TET2: variants seen among roughly 807,000 people sequenced by gnomAD.
TET2 encodes the protein tet methylcytosine dioxygenase 2.
In TET2, 299 loss-of-function variants were observed where a neutral mutation model predicts 142.9. That is an observed-to-expected ratio of 2.09 (90% CI 1.90 to 2.30). The LOEUF (loss-of-function observed/expected upper bound fraction) is 2.30. Among genes scored for constraint, TET2 ranks in the 30% most tolerant of loss-of-function variants. The pLI is 0.00. For missense variants in TET2, 2,418 were observed against 2,378.0 expected (o/e 1.02, Z -0.35); for synonymous variants, 819 against 849.0 (o/e 0.96, Z 0.61).
At chr4:105,155,951 G>A (rs933483011) in intron 1 of TET2, among the ~76,000 whole-genome samples, 11 of 152,138 alleles carry the variant, frequency 7.2e-5, no homozygotes, top group Non-Finnish European at 1.3e-4. Flanking sequence ...AGTTGGTGTA[G>A]TGATGGTTAT....
chr4:105,210,872 A>G (rs979670693), intron 2 of TET2, among the ~76,000 whole-genome samples: 1 of 152,202 alleles, frequency 6.6e-6, no homozygotes, highest in Non-Finnish European at 1.5e-5. Context: ...TCTATGTTTT[A>G]TACTTTTAAT....
chr4:105,185,642 G>T (rs533238153), intron 1 of TET2, among the ~76,000 whole-genome samples: 1 of 152,086 alleles, frequency 6.6e-6, no homozygotes, highest in Non-Finnish European at 1.5e-5. Context: ...AGCCAGGCGT[G>T]GGGGCATGCG....
Position 105,243,697 on chromosome 4 carries a change from C to A in TET2, c.3722C>A (p.Ala1241Asp), listed in dbSNP as rs1729429627. The stretch of plus-strand genomic sequence containing the variant: ...TGGGAAGGAATCCCGCTGTCTCTGG[C>A]TGACAAACTCTACTCGGAGCTTACC... ...LVWEGIPLSL[A>D]DKLYSELTET... is the part of the protein sequence containing the mutation. Residue 1241 changes from alanine (A) to aspartate (D), a missense_variant, in exon 6 of 11, where the codon GCT (alanine) becomes GAT (aspartate). Ala to Asp is a moderately radical substitution (Grantham distance 126). Transcript: ENST00000380013. 1 of 1,551,564 alleles carries A rather than the reference C, an allele frequency of 6.4e-7. No homozygotes were observed. Among genetic ancestry groups the A allele is most frequent in the Non-Finnish European group, 8.7e-7 (1 of 1,146,950 alleles).
intron 2 of TET2, among the ~76,000 whole-genome samples, chr4:105,204,995 A>G (rs1327031851): frequency 6.6e-6 from 1 of 152,104 alleles, no homozygotes; most frequent in Non-Finnish European, 1.5e-5. Flanking sequence ...TTGTTTTCCT[A>G]AATTAGTGAT....
chr4:105,148,294 T>C (rs2110338555), intron 1 of TET2, among the ~76,000 whole-genome samples: 1 of 152,374 alleles, frequency 6.6e-6, no homozygotes, highest in African/African-American at 2.4e-5. Flanking sequence ...TTCTCCCTTC[T>C]TCATCTAATG....
chr4:105,243,781 A>G lies in TET2; in HGVS notation c.3803+3A>G. On this transcript the variant is annotated splice_donor_region_variant and intron_variant, in intron 6 of 10. Coordinates refer to ENST00000380013, the MANE Select transcript of TET2 (RefSeq NM_001127208.3). ...CGCCGGTGTGCCTTGAATGAAGAGT[A>G]AGTGAAGCCCAGGGCCTCTCCCCTC... 6.4e-7 allele frequency: 1 copy of G among 1,551,246 alleles called. No homozygotes were observed. Among genetic ancestry groups the G allele is most frequent in the Non-Finnish European group, 8.7e-7 (1 of 1,146,672 alleles).
intron 1 of TET2, among the ~76,000 whole-genome samples, chr4:105,173,523 ACT>A (rs560882518): frequency 6.6e-6 from 1 of 152,078 alleles, no homozygotes; most frequent in Admixed American, 6.5e-5. Flanking sequence ...AAAGAGGGAG[ACT>A]CTCTCTCAAA....
chr4:105,152,744 G>A (rs2110350126), intron 1 of TET2, among the ~76,000 whole-genome samples: 1 of 151,760 alleles, frequency 6.6e-6, no homozygotes, highest in African/African-American at 2.4e-5. Context: ...CTAGGAGCGT[G>A]CCCCACCACA....
intron 1 of TET2, among the ~76,000 whole-genome samples, chr4:105,168,773 G>T (rs903849028): frequency 2.6e-5 from 4 of 152,000 alleles, no homozygotes; most frequent in African/African-American, 4.8e-5. Context: ...AGAGTCCATT[G>T]TGTCATTCTT....
At chr4:105,266,233 C>T (rs1355244168) in intron 8 of TET2, among the ~76,000 whole-genome samples, 1 of 151,984 alleles carries the variant, frequency 6.6e-6, no homozygotes, top group African/African-American at 2.4e-5. Flanking sequence ...ATTGTATTGC[C>T]TTGGTAGTAG....
intron 1 of TET2, among the ~76,000 whole-genome samples, chr4:105,189,021 G>A (rs144954736): frequency 6.6e-6 from 1 of 151,940 alleles, no homozygotes; most frequent in Non-Finnish European, 1.5e-5. Context: ...GTATTTTATG[G>A]TATGTGAATT....
intron 10 of TET2, among the ~76,000 whole-genome samples, chr4:105,274,431 T>C (rs1731100328): frequency 2.0e-5 from 3 of 152,252 alleles, no homozygotes; most frequent in Admixed American, 2.0e-4. Context: ...TGTGTTTAAA[T>C]ACGTGTCATT....
intron 2 of TET2, among the ~76,000 whole-genome samples, chr4:105,202,041 C>A (rs530095591): frequency 6.6e-6 from 1 of 152,050 alleles, no homozygotes; most frequent in South Asian, 2.1e-4. Flanking sequence ...CCACACCCAG[C>A]CCCTCCGGAA....
intron 2 of TET2, among the ~76,000 whole-genome samples, chr4:105,210,350 A>C (rs1484559648): frequency 1.3e-5 from 2 of 152,128 alleles, no homozygotes; most frequent in Non-Finnish European, 1.5e-5. Flanking sequence ...TTCTCTTTAC[A>C]ATGTCAAAAT....
At chr4:105,265,743 G>GA (rs915750230) in intron 8 of TET2, among the ~76,000 whole-genome samples, 1 of 152,180 alleles carries the variant, frequency 6.6e-6, no homozygotes, top group Admixed American at 6.5e-5. Flanking sequence ...ACACATTTAA[G>GA]AAAAAACTGA....
chr4:105,218,076 A>G (rs756886351), intron 2 of TET2, among the ~76,000 whole-genome samples: 5 of 152,086 alleles, frequency 3.3e-5, no homozygotes, highest in Non-Finnish European at 7.4e-5. Context: ...ATTAATAATC[A>G]AGAATTCTGA....
chr4:105,210,496 C>T (rs1435263821), intron 2 of TET2, among the ~76,000 whole-genome samples: 5 of 152,086 alleles, frequency 3.3e-5, no homozygotes, highest in African/African-American at 9.7e-5. Context: ...AGCTTAGACC[C>T]CTTGCTGATT....
chr4:105,235,514 G>C lies in TET2; in HGVS notation c.1572G>C (p.Glu524Asp), dbSNP rs1471734269. ...CACCAATTTTTGGTAGCAGTGGAGAGCTACAGGACAACTGCCAGCAGTTGA... is the reference window on the plus strand; with the variant it reads ...CACCAATTTTTGGTAGCAGTGGAGACCTACAGGACAACTGCCAGCAGTTGA... ...HNPPIFGSSG[E>D]LQDNCQQLMR... is the part of the protein sequence containing the mutation. Residue 524 changes from glutamate (E) to aspartate (D), a missense_variant, in exon 3 of 11, where the codon GAG becomes GAC. Transcript: ENST00000380013. 1 of 1,614,152 alleles carries C rather than the reference G, an allele frequency of 6.2e-7. No homozygotes were observed. The highest frequency in any genetic ancestry group is 8.5e-7 in the Non-Finnish European group (1 of 1,180,018).
At chr4:105,266,422 AAAG>A (rs1399250691) in intron 8 of TET2, among the ~76,000 whole-genome samples, 1 of 152,204 alleles carries the variant, frequency 6.6e-6, no homozygotes, top group Non-Finnish European at 1.5e-5. Flanking sequence ...TACAAAGAAA[AAAG>A]AAAATATAAC....
Sources: allele counts gnomAD v4.1 joint callset (sites outside exome capture counted in the v4.1 genomes callset), GRCh38; gene constraint gnomAD v4.1.1; transcripts MANE v1.5; gene names NCBI Gene and HGNC (gene_info 2026-07-23, HGNC 2026-07-21).